Variants in MYO16 observed in about 807,000 individuals in gnomAD.
The protein encoded by MYO16 is unconventional myosin-XVI.
In MYO16, 94 loss-of-function variants were observed where a neutral mutation model predicts 205.3. The observed-to-expected ratio is 0.46, with a 90% confidence interval of 0.39 to 0.54. MYO16 has a LOEUF of 0.54. Among genes scored for constraint, MYO16 ranks in the 20% least tolerant of loss-of-function variants. The pLI is 0.00. For synonymous variants in MYO16, 988 were observed against 954.0 expected (o/e 1.04, Z -0.66); for missense variants, 2,315 against 2,387.5 (o/e 0.97, Z 0.63).
intron 3 of MYO16, among the ~76,000 whole-genome samples, chr13:108,723,168 G>C (rs963355908): frequency 1.3e-5 from 2 of 151,976 alleles, no homozygotes; most frequent in African/African-American, 4.8e-5. Context: ...GGTGAAGTGA[G>C]AGATTAAATA....
At chr13:108,813,034 CT>C (rs1887342688) in intron 7 of MYO16, among the ~76,000 whole-genome samples, 1 of 151,960 alleles carries the variant, frequency 6.6e-6, no homozygotes, top group Non-Finnish European at 1.5e-5. Flanking sequence ...ACTATGACAA[CT>C]GTATAAAAGG....
intron 22 of MYO16, among the ~76,000 whole-genome samples, chr13:109,010,598 A>G (rs1483806250): frequency 6.6e-6 from 1 of 152,002 alleles, no homozygotes; most frequent in Non-Finnish European, 1.5e-5. Flanking sequence ...ACAAGTGAAT[A>G]TTTTCACCCC....
At chr13:108,829,982 T>C (rs1412541685) in intron 9 of MYO16, among the ~76,000 whole-genome samples, 1 of 143,440 alleles carries the variant, frequency 7.0e-6, no homozygotes, top group Non-Finnish European at 1.5e-5. Context: ...AAGAAGACAT[T>C]TATGCAGCCA....
intron 17 of MYO16, among the ~76,000 whole-genome samples, chr13:108,960,632 A>T (rs1883546562): frequency 6.6e-6 from 1 of 152,204 alleles, no homozygotes; most frequent in South Asian, 2.1e-4. Context: ...GTAGTTAGGG[A>T]AGGAGTTTTT....
At chr13:108,803,604 T>A (rs761522224) in intron 6 of MYO16, among the ~76,000 whole-genome samples, 3 of 152,202 alleles carry the variant, frequency 2.0e-5, no homozygotes, top group Non-Finnish European at 2.9e-5. Flanking sequence ...TACCCAGGCC[T>A]ACATCACACT....
intron 1 of MYO16, among the ~76,000 whole-genome samples, chr13:108,632,859 A>G (rs1880050380): frequency 6.6e-6 from 1 of 152,098 alleles, no homozygotes; most frequent in African/African-American, 2.4e-5. Context: ...GAGAAATGGA[A>G]CTCAAGGGAG....
At chr13:109,192,311 T>C (rs1879956724) in intron 34 of MYO16, among the ~76,000 whole-genome samples, 2 of 152,228 alleles carry the variant, frequency 1.3e-5, no homozygotes, top group African/African-American at 4.8e-5. Flanking sequence ...TATCTGTTTC[T>C]GGAAAGGACT....
chr13:108,560,373 G>A, the MYO16 span, among the ~76,000 whole-genome samples: 1 of 152,178 alleles, frequency 6.6e-6, no homozygotes, highest in Non-Finnish European at 1.5e-5. Context: ...TGATTCAGTT[G>A]TACACAGGGA....
chr13:109,140,888 C>T lies in MYO16; in HGVS notation c.4676C>T (p.Pro1559Leu). 1 of 1,593,634 alleles carries T rather than the reference C, an allele frequency of 6.3e-7. No individual in the cohort carries two copies. The change falls in exon 32 of 35, where the codon CCG becomes CTG. Residue 1559 changes from proline to leucine, a missense_variant. By Grantham distance (98) the Pro-to-Leu change is moderately conservative (BLOSUM62 -3). Around this residue, in one of 3 missense-constraint regions of MYO16, gnomAD observed 1,097 missense variants for 1,092.0 expected, o/e 1.00. Coordinates refer to ENST00000457511, the MANE Select transcript of MYO16 (RefSeq NM_001198950.3). The surrounding 1 kb of genome is among the most constrained non-coding windows in gnomAD (Gnocchi z 8.0). ...CCCGTGCAGCCGGAGGGGTCGAGCCCGCTGTCCCCGCAGTACTCCAAGAGC... is the reference window on the plus strand; with the variant it reads ...CCCGTGCAGCCGGAGGGGTCGAGCCTGCTGTCCCCGCAGTACTCCAAGAGC... ...KYPVQPEGSS[P>L]LSPQYSKSQK...
chr13:108,686,264 G>A (rs1180977974), intron 2 of MYO16, among the ~76,000 whole-genome samples: 4 of 152,190 alleles, frequency 2.6e-5, no homozygotes, highest in South Asian at 2.1e-4. Context: ...TGTGTGATTC[G>A]CACAGCAGCT....
intron 1 of MYO16, among the ~76,000 whole-genome samples, chr13:108,612,808 C>T (rs1879223231): frequency 6.6e-6 from 1 of 152,098 alleles, no homozygotes; most frequent in African/African-American, 2.4e-5. Context: ...TACATTCTTG[C>T]TACCCTGTTA....
intron 20 of MYO16, among the ~76,000 whole-genome samples, chr13:108,989,973 G>T (rs1410437231): frequency 1.3e-5 from 2 of 151,848 alleles, no homozygotes; most frequent in Non-Finnish European, 2.9e-5. Context: ...ATTTTACTTG[G>T]TCTCCTATTT....
At chr13:109,112,551 T>G (rs145507474) in intron 28 of MYO16, among the ~76,000 whole-genome samples, 16 of 152,070 alleles carry the variant, frequency 1.1e-4, no homozygotes, top group African/African-American at 3.4e-4. Flanking sequence ...GGGTCAGGAG[T>G]TCGAGACCAG....
At chr13:109,027,447 C>T (rs1253583272) in intron 23 of MYO16, among the ~76,000 whole-genome samples, 2 of 152,166 alleles carry the variant, frequency 1.3e-5, no homozygotes. Flanking sequence ...CCCCCAAGTT[C>T]ACTGTGCTTT....
chr13:108,572,823 T>C, the MYO16 span, among the ~76,000 whole-genome samples: 4 of 152,132 alleles, frequency 2.6e-5, no homozygotes, highest in African/African-American at 9.7e-5. Flanking sequence ...ATGTTAATAG[T>C]GGTTTTGTTA....
chr13:108,909,476 A>G (rs1047335459), intron 15 of MYO16, among the ~76,000 whole-genome samples: 2 of 151,928 alleles, frequency 1.3e-5, no homozygotes, highest in Non-Finnish European at 1.5e-5. Context: ...GTGAATTCAA[A>G]TTGCATTTTC....
intron 1 of MYO16, among the ~76,000 whole-genome samples, chr13:108,602,590 G>C (rs1376883130): frequency 6.6e-6 from 1 of 152,066 alleles, no homozygotes; most frequent in African/African-American, 2.4e-5. Context: ...AAAATCACAT[G>C]GTATGTTGCA....
chr13:109,050,142 A>G lies in MYO16; in HGVS notation c.2873-2158A>G, dbSNP rs149650402. On this transcript the variant is annotated intron_variant, in intron 24 of 34. Coordinates refer to ENST00000457511, the MANE Select transcript of MYO16 (RefSeq NM_001198950.3). ...TAATCCAGAATTCATATAAAGTTTT[A>G]CCAATTGTCCCACTAATATTAGTCT... Among the ~76,000 whole-genome samples the G allele has an allele frequency of 9.5e-3, 1,444 of 152,214 alleles. 29 individuals carry two copies. Among genetic ancestry groups the G allele is most frequent in the African/African-American group, 0.033 (1,357 of 41,514 alleles).
chr13:109,158,815 C>T (rs549852905), intron 32 of MYO16, among the ~76,000 whole-genome samples: 2 of 152,254 alleles, frequency 1.3e-5, no homozygotes, highest in South Asian at 2.1e-4. Flanking sequence ...TCAAAGTATA[C>T]GTTTACAAAG....
Sources: gnomAD v4.1 joint callset for allele counts (sites outside exome capture counted in the v4.1 genomes callset) on GRCh38, gnomAD v4.1.1 for gene constraint, gnomAD v4.1.1 regional missense constraint, Gnocchi (gnomAD v3.1) non-coding constraint, MANE v1.5 for transcripts, NCBI Gene and HGNC (gene_info 2026-07-23, HGNC 2026-07-21) for gene names.